The following RGS17 variants were observed in gnomAD, a reference collection of about 807,000 sequenced individuals.
RGS17 encodes regulator of G protein signaling 17, also known as regulator of G-protein signaling 17.
RGS17 carries 12 observed loss-of-function variants against 25.5 expected under a neutral mutation model. The ratio of observed to expected loss-of-function variants is 0.47; its 90% CI spans 0.30 to 0.76. The LOEUF (loss-of-function observed/expected upper bound fraction) is 0.76, where lower values mean the gene tolerates loss of function less well. Among genes scored for constraint, RGS17 ranks in the 30% least tolerant of loss-of-function variants. The probability of loss-of-function intolerance (pLI) is 0.07; values close to 1 mark genes in which losing one functional copy is unlikely to be tolerated. For synonymous variants in RGS17, 71 were observed against 76.9 expected, an observed-to-expected ratio of 0.92 and a Z score of 0.40; for missense variants, 196 against 242.2, an observed-to-expected ratio of 0.81 and a Z score of 1.27.
intron 4 of RGS17, among the ~76,000 whole-genome samples, chr6:153,020,327 G>C (rs1027700894): frequency 6.7e-6 from 1 of 149,730 alleles, no homozygotes; most frequent in African/African-American, 2.5e-5. Context: ...CTAATTTTTT[G>C]TATTTTTAGT....
intron 1 of RGS17, among the ~76,000 whole-genome samples, chr6:153,056,015 C>T (rs1414381920): frequency 6.6e-6 from 1 of 152,148 alleles, no homozygotes; most frequent in African/African-American, 2.4e-5. Flanking sequence ...ATGGGAGAAA[C>T]ATGGTTTAAC....
chr6:153,102,160 C>T (rs1175296761), intron 1 of RGS17, among the ~76,000 whole-genome samples: 1 of 152,200 alleles, frequency 6.6e-6, no homozygotes, highest in East Asian at 1.9e-4. Context: ...AACAGTTGGA[C>T]CCCAGCTGAT....
chr6:153,101,831 C>T (rs1263626110), intron 1 of RGS17, among the ~76,000 whole-genome samples: 3 of 152,078 alleles, frequency 2.0e-5, no homozygotes, highest in Non-Finnish European at 4.4e-5. Flanking sequence ...GAAGACATGC[C>T]TTGTTTCCCC....
At chr6:153,035,450 A>G (rs1776227336) in intron 2 of RGS17, among the ~76,000 whole-genome samples, 1 of 152,230 alleles carries the variant, frequency 6.6e-6, no homozygotes, top group African/African-American at 2.4e-5. Flanking sequence ...GCAGATTGTA[A>G]TAGGTCTACC....
At position 153,011,443 on chromosome 6, in the gene RGS17, A is replaced by C; in HGVS notation, c.*131T>G. The C allele has an allele frequency of 1.6e-6, 1 of 640,470 alleles. No individual in the cohort carries two copies. The allele number at this position is 640,470 out of a possible 1,614,324, so 39.7% of individuals were successfully genotyped here. A position where few individuals can be genotyped will look rare whatever the true frequency, so the allele number is the denominator to read the frequency against. On this transcript the variant is annotated 3_prime_UTR_variant, in exon 5 of 5. Transcript: ENST00000206262. ...CTTGATAAAAATGGAGACAAAGACC[A>C]TAACGGTTGTGTTTTCACAGTAGCC...
At chr6:153,055,093 G>C (rs1370427199) in intron 1 of RGS17, among the ~76,000 whole-genome samples, 4 of 152,164 alleles carry the variant, frequency 2.6e-5, no homozygotes, top group African/African-American at 9.7e-5. Context: ...ACAGTGCCTA[G>C]GAAGGTCCTT....
intron 1 of RGS17, among the ~76,000 whole-genome samples, chr6:153,093,823 C>T (rs1187446235): frequency 6.6e-6 from 1 of 152,100 alleles, no homozygotes; most frequent in African/African-American, 2.4e-5. Flanking sequence ...AGTCAGGGGA[C>T]TTGAACTTCA....
intron 1 of RGS17, among the ~76,000 whole-genome samples, chr6:153,108,269 A>G (rs1777414503): frequency 6.6e-6 from 1 of 152,248 alleles, no homozygotes; most frequent in South Asian, 2.1e-4. Flanking sequence ...TCTGAGGAAC[A>G]TATTCCTTTA....
At chr6:153,066,746 CAT>C (rs1409122967) in intron 1 of RGS17, among the ~76,000 whole-genome samples, 1 of 152,018 alleles carries the variant, frequency 6.6e-6, no homozygotes, top group South Asian at 2.1e-4. Flanking sequence ...GGACAAAAAA[CAT>C]ATGAACATGT....
intron 1 of RGS17, among the ~76,000 whole-genome samples, chr6:153,064,967 G>A (rs963306883): frequency 1.3e-5 from 2 of 152,026 alleles, no homozygotes; most frequent in Non-Finnish European, 1.5e-5. Flanking sequence ...TAATAACATC[G>A]AATGTAAAGG....
At chr6:153,065,079 CAT>C (rs1258129249) in intron 1 of RGS17, among the ~76,000 whole-genome samples, 1 of 152,030 alleles carries the variant, frequency 6.6e-6, no homozygotes, top group African/African-American at 2.4e-5. Flanking sequence ...TAAAGACACA[CAT>C]AGACTTAAAA....
At position 153,008,372 on chromosome 6, in the gene RGS17, C is replaced by T. The variant is rs1339629035; in HGVS notation, c.*3202G>A. ...CATTATGGTCTTGACTTCTGCATTT[C>T]GTAACTTTAGTATCAAAGTTGTGTT... On this transcript the variant is annotated 3_prime_UTR_variant, in exon 5 of 5. Transcript: ENST00000206262. 1.3e-5 allele frequency: 2 copies of T among 151,424 alleles called. No homozygotes were observed. Among genetic ancestry groups the T allele is most frequent in the South Asian group, 2.1e-4 (1 of 4,824 alleles). The allele number at this position is 151,424 out of a possible 1,614,324, so 9.4% of individuals were successfully genotyped here.
intron 1 of RGS17, among the ~76,000 whole-genome samples, chr6:153,102,064 G>A (rs550381856): frequency 1.3e-5 from 2 of 152,212 alleles, no homozygotes; most frequent in Non-Finnish European, 2.9e-5. Flanking sequence ...TCAATGCAAC[G>A]ATCTGCCTTT....
intron 1 of RGS17, among the ~76,000 whole-genome samples, chr6:153,098,771 T>C (rs1301158003): frequency 6.6e-6 from 1 of 152,126 alleles, no homozygotes; most frequent in African/African-American, 2.4e-5. Context: ...ACCTCAAAAA[T>C]CAGATTTTTA....
intron 1 of RGS17, among the ~76,000 whole-genome samples, chr6:153,099,077 A>T (rs1026982521): frequency 1.6e-4 from 24 of 152,186 alleles, no homozygotes; most frequent in African/African-American, 5.8e-4. Context: ...GACTTGGATG[A>T]TGAATTATCT....
intron 1 of RGS17, among the ~76,000 whole-genome samples, chr6:153,072,554 T>C (rs867736769): frequency 6.6e-6 from 1 of 152,160 alleles, no homozygotes; most frequent in Non-Finnish European, 1.5e-5. Flanking sequence ...CCCTGCACAT[T>C]TAAATTTAAG....
At chr6:153,117,192 G>A (rs546094678) in intron 1 of RGS17, among the ~76,000 whole-genome samples, 20 of 152,256 alleles carry the variant, frequency 1.3e-4, no homozygotes, top group East Asian at 7.7e-4. Flanking sequence ...CAATCATGGC[G>A]GAAGGTGAAG....
rs568492732 is a variant in RGS17 at position 153,118,295 on chromosome 6, A to T, written c.-26+12829T>A. ...TGGCTTTTACCAACCTCATCTTAAT[A>T]TTGCACACTTGACCTTCAAGGCCTT... On this transcript the variant is annotated intron_variant, in intron 1 of 4. Transcript: ENST00000206262. Among the ~76,000 whole-genome samples the T allele has an allele frequency of 2.6e-5, 4 of 152,346 alleles. No individual in the cohort carries two copies. The South Asian group carries it at 8.3e-4, about 32-fold the overall frequency.
chr6:153,128,597 T>C (rs1777740438), intron 1 of RGS17, among the ~76,000 whole-genome samples: 1 of 152,228 alleles, frequency 6.6e-6, no homozygotes, highest in African/African-American at 2.4e-5. Context: ...TTTAAAATTT[T>C]CACTTTTACT....
Sources: gnomAD v4.1 joint callset for allele counts (sites outside exome capture counted in the v4.1 genomes callset) on GRCh38, gnomAD v4.1.1 for gene constraint, MANE v1.5 for transcripts, NCBI Gene and HGNC (gene_info 2026-07-23, HGNC 2026-07-21) for gene names.